The following LPIN2 variants were observed in gnomAD, a reference collection of about 807,000 sequenced individuals.
LPIN2 encodes lipin 2, also known as phosphatidate phosphatase LPIN2.
In LPIN2, 55 loss-of-function variants were observed where a neutral mutation model predicts 111.4. The observed-to-expected ratio is 0.49, with a 90% CI of 0.40 to 0.62. LPIN2 has a LOEUF of 0.62. Ranked by LOEUF, LPIN2 falls within the 20% of genes least tolerant of loss-of-function variation. The pLI is 0.00. For missense variants in LPIN2, 992 were observed against 1,112.1 expected, an observed-to-expected ratio of 0.89 and a Z score of 1.54; for synonymous variants, 425 against 414.0, an observed-to-expected ratio of 1.03 and a Z score of -0.32.
rs1568497399 is a variant in LPIN2 at position 2,918,355 on chromosome 18, TA to T, written c.*1937del. 6.6e-6 allele frequency: 1 copy of T among 152,204 alleles called. No homozygotes were observed. The highest frequency in any genetic ancestry group is 1.5e-5 in the Non-Finnish European group (1 of 68,046). The allele number at this position is 152,204 out of a possible 1,614,324, so 9.4% of individuals were successfully genotyped here. On this transcript the variant is annotated 3_prime_UTR_variant, in exon 20 of 20. Coordinates refer to ENST00000677752, the MANE Select transcript of LPIN2 (RefSeq NM_001375808.2). Reference sequence around the variant, plus strand: ...TATTAAGATTTTTCAGTACCATACATATGCAAAGAAGTCCTACTATAAGCTC... The same window carrying T: ...TATTAAGATTTTTCAGTACCATACATTGCAAAGAAGTCCTACTATAAGCTC...
In LPIN2 at chr18:2,951,049, T is replaced by C. The variant is rs73375280; in HGVS notation, c.590+6A>G. 1,413 of 1,613,848 alleles carry C rather than the reference T, an allele frequency of 8.8e-4. 15 individuals carry two copies. In the African/African-American group the frequency reaches 0.017, roughly 19 times the overall value. On this transcript the variant is annotated splice_donor_region_variant and intron_variant, in intron 4 of 19. Coordinates refer to ENST00000677752, the MANE Select transcript of LPIN2 (RefSeq NM_001375808.2). ...CACAAGACCCTTCCCAGGCTGAGAGTCCTACCGTGCTGCCTGGGCCCCCTT... is the reference window on the plus strand; with the variant it reads ...CACAAGACCCTTCCCAGGCTGAGAGCCCTACCGTGCTGCCTGGGCCCCCTT...
intron 8 of LPIN2, among the ~76,000 whole-genome samples, 188 bp from the exon 9 acceptor site, chr18:2,931,631 C>T (rs1028462413): frequency 6.6e-6 from 1 of 152,256 alleles, no homozygotes; most frequent in East Asian, 1.9e-4. Context: ...GAAAGATAAC[C>T]TAATATAGTA....
intron 4 of LPIN2, among the ~76,000 whole-genome samples, chr18:2,945,075 G>A (rs1256947537): frequency 2.6e-5 from 4 of 152,028 alleles, no homozygotes; most frequent in East Asian, 3.8e-4. Context: ...AAAAACTGCA[G>A]AGCTTCATCT....
At chr18:2,973,425 T>A (rs1297635549) in intron 1 of LPIN2, among the ~76,000 whole-genome samples, 1 of 152,202 alleles carries the variant, frequency 6.6e-6, no homozygotes, top group Non-Finnish European at 1.5e-5. Context: ...GAATATCATA[T>A]AAATAGAACC....
At chr18:2,991,177 G>C (rs779394659) in intron 1 of LPIN2, 9 of 241,434 alleles carry the variant, frequency 3.7e-5, no homozygotes, top group Non-Finnish European at 7.6e-5. Context: ...TTTCTTATCA[G>C]TCTGATACAG....
At chr18:2,953,963 G>A (rs908963734) in intron 3 of LPIN2, among the ~76,000 whole-genome samples, 5 of 152,154 alleles carry the variant, frequency 3.3e-5, no homozygotes, top group African/African-American at 7.2e-5. Context: ...AATCATGCTC[G>A]TTTGCTAGAA....
intron 2 of LPIN2, among the ~76,000 whole-genome samples, chr18:2,960,198 G>GTGTGTGTGTA (rs1568574206): frequency 6.6e-6 from 1 of 151,530 alleles, no homozygotes; most frequent in Non-Finnish European, 1.5e-5. Flanking sequence ...GTGTGTGTGT[G>GTGTGTGTGTA]TGTGTGTGTG....
chr18:2,968,616 G>A (rs1374657847), intron 1 of LPIN2, among the ~76,000 whole-genome samples: 1 of 152,086 alleles, frequency 6.6e-6, no homozygotes, highest in Non-Finnish European at 1.5e-5. Context: ...TCAAGCAGCA[G>A]AAAATATTTG....
chr18:2,998,700 C>T lies in LPIN2; in HGVS notation c.-10+14387G>A, dbSNP rs527253345. ...ACATGACAGATTTTTTTTTAAGCAA[C>T]AAAGCTCCAAGAAGGCTCATATCTG... On this transcript the variant is annotated intron_variant, in intron 1 of 19. Coordinates refer to ENST00000677752, the MANE Select transcript of LPIN2 (RefSeq NM_001375808.2). 3.3e-5 allele frequency among the ~76,000 whole-genome samples: 5 copies of T among 151,262 alleles called. No homozygotes were observed. In the East Asian group the frequency reaches 5.8e-4, roughly 18 times the overall value.
At chr18:2,976,305 T>C (rs1176051577) in intron 1 of LPIN2, among the ~76,000 whole-genome samples, 2 of 152,192 alleles carry the variant, frequency 1.3e-5, no homozygotes, top group African/African-American at 4.8e-5. Flanking sequence ...CCAGATGGAC[T>C]ACCATTGCAA....
At chr18:2,974,524 A>C (rs2077977766) in intron 1 of LPIN2, among the ~76,000 whole-genome samples, 1 of 152,240 alleles carries the variant, frequency 6.6e-6, no homozygotes, top group Admixed American at 6.5e-5. Context: ...ATTCACCTCT[A>C]TACTGGTGAA....
intron 1 of LPIN2, among the ~76,000 whole-genome samples, chr18:3,010,990 G>A (rs2078593211): frequency 6.6e-6 from 1 of 152,170 alleles, no homozygotes. Flanking sequence ...CACTGGTAAG[G>A]ACAAACTGCC....
At chr18:2,954,422 A>G (rs1231511646) in intron 3 of LPIN2, 82 bp downstream of exon 3, 17 of 938,380 alleles carry the variant, frequency 1.8e-5, no homozygotes, top group African/African-American at 4.9e-5. Flanking sequence ...CAACCATAAA[A>G]AACTGCTAAA....
intron 13 of LPIN2, 148 bp downstream of exon 13, chr18:2,926,575 T>C (rs2077134406): frequency 2.9e-6 from 2 of 693,086 alleles, no homozygotes; most frequent in Non-Finnish European, 5.0e-6. Flanking sequence ...GCAGTTGTCA[T>C]CTGCTGAGTG....
intron 1 of LPIN2, among the ~76,000 whole-genome samples, chr18:2,965,738 A>AG (rs1196669693): frequency 6.6e-6 from 1 of 151,512 alleles, no homozygotes; most frequent in Admixed American, 6.6e-5. Context: ...TCTCAAAAAA[A>AG]AAAAAAAAAA....
intron 7 of LPIN2, among the ~76,000 whole-genome samples, chr18:2,935,742 GCAATTTGTTTT>G (rs1297793173): frequency 6.6e-6 from 1 of 152,138 alleles, no homozygotes; most frequent in Non-Finnish European, 1.5e-5. Context: ...TGTCATGCCT[GCAATTTGTTTT>G]CAAATGTTTT....
intron 1 of LPIN2, among the ~76,000 whole-genome samples, chr18:2,970,851 T>C (rs570772684): frequency 4.6e-5 from 7 of 152,348 alleles, no homozygotes; most frequent in African/African-American, 1.7e-4. Context: ...ACCATGTTAT[T>C]TCCTTTGAGG....
At chr18:2,935,491 G>C (rs557033805) in intron 7 of LPIN2, among the ~76,000 whole-genome samples, 3 of 152,268 alleles carry the variant, frequency 2.0e-5, no homozygotes, top group Admixed American at 1.3e-4. Context: ...GGGCATGAGG[G>C]TGTGGATGGG....
chr18:2,984,612 G>A (rs1320141354), intron 1 of LPIN2, among the ~76,000 whole-genome samples: 1 of 152,004 alleles, frequency 6.6e-6, no homozygotes, highest in African/African-American at 2.4e-5. Context: ...AGGGGCAGAG[G>A]AAATAAAATG....
Sources: gnomAD v4.1 joint callset for allele counts (sites outside exome capture counted in the v4.1 genomes callset) on GRCh38, gnomAD v4.1.1 for gene constraint, MANE v1.5 for transcripts, NCBI Gene and HGNC (gene_info 2026-07-23, HGNC 2026-07-21) for gene names.